The following KCP variants were observed in gnomAD, a reference collection of about 807,000 sequenced individuals.
KCP encodes kielin/chordin-like protein.
Under a neutral mutation model 212.7 loss-of-function variants are expected in KCP, and 194 were observed. The observed-to-expected ratio is 0.91, with a 90% confidence interval of 0.81 to 1.03. KCP has a LOEUF of 1.03. KCP is among the 50% of genes least tolerant of loss of function. The pLI is 0.00. For synonymous variants in KCP, 833 were observed against 865.3 expected (o/e 0.96, Z 0.65); for missense variants, 2,080 against 2,162.5 (o/e 0.96, Z 0.76).
In KCP at chr7:128,893,429, G is replaced by C. The variant is rs1001007548; in HGVS notation, c.1147C>G (p.Leu383Val). ...HQYQSQETFRLQERGLCVRCS... is the reference protein window; with the variant it reads ...HQYQSQETFRVQERGLCVRCS... Reference sequence around the variant, plus strand: ...CGGACACAGAGGCCCCGCTCTTGGAGTCTGAAGGTCTCCTGGCTCTGATAC... The same window carrying C: ...CGGACACAGAGGCCCCGCTCTTGGACTCTGAAGGTCTCCTGGCTCTGATAC... Residue 383 changes from leucine to valine, a missense_variant, in exon 12 of 40, where the codon CTC (leucine) becomes GTC (valine). Coordinates refer to ENST00000610776, the MANE Select transcript of KCP (RefSeq NM_001366122.1). The C allele has an allele frequency of 6.4e-7, 1 of 1,551,548 alleles. No homozygotes were observed. The highest frequency in any genetic ancestry group is 1.4e-5 in the African/African-American group (1 of 73,058).
intron 2 of KCP, 75 bp downstream of exon 2, chr7:128,908,351 G>T: frequency 7.0e-7 from 1 of 1,430,590 alleles, no homozygotes. Flanking sequence ...CCCCCTCCAA[G>T]CCTAACTCCT....
rs9655870 is a variant in KCP, at chr7:128,881,018, C to T, written c.3492G>A (p.Ala1164=). Reference sequence around the variant, plus strand: ...TCACATGGCAGGTGCAGGCGATGCACGCATTGCTGGGGTCCCGCCAGCTCT... The same window carrying T: ...TCACATGGCAGGTGCAGGCGATGCATGCATTGCTGGGGTCCCGCCAGCTCT... ...DGESWRDPSN[A]CIACTCHRGH... is the part of the protein sequence containing the mutation. Residue 1164 remains alanine (A), a synonymous_variant, in exon 32 of 40, where the codon GCG becomes GCA. Coordinates refer to ENST00000610776, the MANE Select transcript of KCP (RefSeq NM_001366122.1). 111,119 of 398,696 alleles carry T rather than the reference C, an allele frequency of 0.28. 16,450 individuals carry two copies. The highest frequency in any genetic ancestry group is 0.48 in the East Asian group (13,520 of 28,060). The allele number at this position is 398,696 out of a possible 1,614,324, so 24.7% of individuals were successfully genotyped here.
intron 1 of KCP, among the ~76,000 whole-genome samples, chr7:128,909,533 C>T (rs1210912876): frequency 6.6e-6 from 1 of 152,170 alleles, no homozygotes; most frequent in Non-Finnish European, 1.5e-5. Context: ...TTACTTAAGC[C>T]AGAAAGCTGG....
intron 18 of KCP, 61 bp from the exon 19 acceptor site, chr7:128,891,339 C>T: frequency 6.5e-7 from 1 of 1,547,026 alleles, no homozygotes; most frequent in South Asian, 1.2e-5. Flanking sequence ...GAGGAGACCC[C>T]TCCCACCCAG....
At chr7:128,878,355 G>A (rs1292341640) in intron 38 of KCP, among the ~76,000 whole-genome samples, 3 of 152,164 alleles carry the variant, frequency 2.0e-5, no homozygotes, top group South Asian at 4.2e-4. Context: ...ACCCTGCCCG[G>A]CCAATGAGGC....
intron 8 of KCP, among the ~76,000 whole-genome samples, chr7:128,896,928 C>G (rs963857573): frequency 1.7e-4 from 26 of 151,300 alleles, no homozygotes; most frequent in African/African-American, 6.1e-4. Context: ...CCCTTCTCTA[C>G]CGATACACAG....
At chr7:128,900,958 G>C (rs1360672243) in intron 8 of KCP, among the ~76,000 whole-genome samples, 2 of 152,222 alleles carry the variant, frequency 1.3e-5, no homozygotes, top group East Asian at 3.8e-4. Context: ...GACCTACTGG[G>C]CTGCATTCCC....
intron 22 of KCP, among the ~76,000 whole-genome samples, chr7:128,888,351 CACAGAT>C (rs1227560332): frequency 2.7e-5 from 4 of 146,252 alleles, no homozygotes; most frequent in South Asian, 2.2e-4. Flanking sequence ...CACACACATA[CACAGAT>C]ACACCCAAAC....
At chr7:128,901,783 A>G (rs1305394233) in intron 8 of KCP, among the ~76,000 whole-genome samples, 1 of 152,210 alleles carries the variant, frequency 6.6e-6, no homozygotes, top group East Asian at 1.9e-4. Context: ...GCTTTCGCAC[A>G]GAGTCCTTAG....
chr7:128,877,649 C>T lies in KCP; in HGVS notation c.4453G>A (p.Ala1485Thr), dbSNP rs977752094. The T allele has an allele frequency of 1.9e-6, 3 of 1,551,656 alleles. No homozygotes were observed. Among genetic ancestry groups the T allele is most frequent in the Non-Finnish European group, 2.6e-6 (3 of 1,147,004 alleles). Reference sequence around the variant, plus strand: ...AAGAAGGGCTCCGGTGGCACCACAGCATGGCAGCGACTGAATGGGGAGGAC... The same window carrying T: ...AAGAAGGGCTCCGGTGGCACCACAGTATGGCAGCGACTGAATGGGGAGGAC... The part of the protein sequence containing the change: ...LKSSPFSRCH[A>T]VVPPEPFFAA... The change falls in exon 39 of 40, where the codon GCT becomes ACT. Residue 1485 changes from alanine to threonine, a missense_variant. Transcript: ENST00000610776.
At chr7:128,894,082 T>C in intron 9 of KCP, 27 bp from the exon 10 acceptor site, 1 of 1,541,372 alleles carries the variant, frequency 6.5e-7, no homozygotes, top group Non-Finnish European at 8.8e-7. Context: ...CCTTAGATGT[T>C]CCTCAGGGGC....
chr7:128,906,220 G>C, intron 5 of KCP, 59 bp downstream of exon 5: 3 of 1,379,748 alleles, frequency 2.2e-6, no homozygotes, highest in Non-Finnish European at 3.0e-6. Context: ...GTGGCAGGCT[G>C]TGTCTGTGGG....
Position 128,907,437 on chromosome 7 carries a change from G to A in KCP, c.236C>T (p.Thr79Met), listed in dbSNP as rs375491885. ...ACAGGACTCCAGCTGCCTCACCCTC[G>A]TCTGCAGGTCCTTATTCTGGAGGAA... Reference protein sequence around the residue: ...ELREQNKDLQTRVRQLESCEC... With the variant: ...ELREQNKDLQMRVRQLESCEC... Residue 79 changes from threonine (T) to methionine (M), a missense_variant, in exon 3 of 40, where the codon ACG (threonine) becomes ATG (methionine). Coordinates refer to ENST00000610776, the MANE Select transcript of KCP (RefSeq NM_001366122.1). The A allele has an allele frequency of 6.6e-5, 99 of 1,495,998 alleles. No individual in the cohort carries two copies. Among genetic ancestry groups the A allele is most frequent in the African/African-American group, 2.7e-4 (19 of 71,294 alleles). 92.7% of individuals were successfully genotyped at this position (1,495,998 alleles called of 1,614,324 possible).
rs1311656536 is a variant in KCP at position 128,888,179 on chromosome 7, TAC to T, written c.2512+682_2512+683del. ...ATACACAGCCACACAAACACACATA[TAC>T]ACACAGTCACACATACACACACAGA... On this transcript the variant is annotated intron_variant, in intron 22 of 39. Transcript: ENST00000610776. 8.0e-5 allele frequency among the ~76,000 whole-genome samples: 9 copies of T among 112,510 alleles called. No homozygotes were observed. The East Asian group carries it at 1.8e-3, about 22-fold the overall frequency. 73.8% of individuals were successfully genotyped at this position (112,510 alleles called of 152,430 possible).
chr7:128,906,419 C>T, intron 4 of KCP, 56 bp from the exon 5 acceptor site: 1 of 1,272,182 alleles, frequency 7.9e-7, no homozygotes, highest in Non-Finnish European at 1.1e-6. Context: ...AGGGCAGGGC[C>T]TCTGGAAGTA....
intron 22 of KCP, among the ~76,000 whole-genome samples, chr7:128,888,034 T>TAC (rs567635972): frequency 0.17 from 15,447 of 91,680 alleles, 2,049 homozygotes; most frequent in African/African-American, 0.42. Flanking sequence ...CACACACACA[T>TAC]ACACACACAC....
chr7:128,887,233 G>A lies in KCP; in HGVS notation c.2580C>T (p.Cys860=), dbSNP rs1329637585. 1.9e-6 allele frequency: 3 copies of A among 1,551,380 alleles called. No homozygotes were observed. ...GCCTCACCTGGCAGGTGCAGAGGGA[G>A]CAGGTAGGGTCAAGTGGGTCAGGAA... is the stretch of plus-strand genomic sequence containing the variant. The part of the protein sequence containing the change: ...ETLPDPLDPT[C]SLCTCQEGSM... Residue 860 remains cysteine (C), a synonymous_variant, in exon 23 of 40, where the codon TGC becomes TGT. Coordinates refer to ENST00000610776, the MANE Select transcript of KCP (RefSeq NM_001366122.1).
At chr7:128,891,399 G>A in intron 18 of KCP, 52 bp downstream of exon 18, 1 of 1,546,528 alleles carries the variant, frequency 6.5e-7, no homozygotes, top group South Asian at 1.2e-5. Flanking sequence ...CCTGGCCTCT[G>A]CAAGTCCCGC....
chr7:128,879,756 C>T lies in KCP; in HGVS notation c.4006G>A (p.Asp1336Asn), dbSNP rs1563018510. The T allele has an allele frequency of 6.4e-7, 1 of 1,550,540 alleles. No individual in the cohort carries two copies. Among genetic ancestry groups the T allele is most frequent in the Non-Finnish European group, 8.7e-7 (1 of 1,146,990 alleles). ...TCCTGCAGCAGCCGCACGGCCATGT[C>T]TCCCAGCAGCACCGCCACCTCCTGG... ...WTQEVAVLLG[D>N]MAVRLLQDGA... Residue 1336 changes from aspartate to asparagine, a missense_variant, in exon 36 of 40, where the codon GAC becomes AAC. Physicochemically the swap from Asp to Asn is conservative, Grantham distance 23. Transcript: ENST00000610776.
Sources: gnomAD v4.1 joint callset for allele counts (sites outside exome capture counted in the v4.1 genomes callset) on GRCh38, gnomAD v4.1.1 for gene constraint, MANE v1.5 for transcripts, NCBI Gene and HGNC (gene_info 2026-07-23, HGNC 2026-07-21) for gene names.